Variants in ERI1 observed in about 807,000 individuals in gnomAD.
ERI1 encodes 3'-5' exoribonuclease 1.
Under a neutral mutation model 39.7 loss-of-function variants are expected in ERI1, and 39 were observed. The ratio of observed to expected loss-of-function variants is 0.98; its 90% CI spans 0.76 to 1.28. ERI1 has a LOEUF of 1.28. Ranked by LOEUF, ERI1 falls within the 50% of genes most tolerant of loss-of-function variation. The pLI is 0.00. For missense variants in ERI1, 581 were observed against 416.9 expected (o/e 1.39, Z -3.43); for synonymous variants, 204 against 149.6 (o/e 1.36, Z -2.65).
intron 3 of ERI1, among the ~76,000 whole-genome samples, chr8:9,015,170 A>G (rs1817097745): frequency 6.6e-6 from 1 of 152,130 alleles, no homozygotes; most frequent in Non-Finnish European, 1.5e-5. Flanking sequence ...ACTGTTGCTC[A>G]TTTACAATTC....
chr8:9,045,270 C>T (rs565733480), intron 3 of ERI1, among the ~76,000 whole-genome samples: 2 of 148,922 alleles, frequency 1.3e-5, no homozygotes, highest in South Asian at 4.3e-4. Context: ...AGTAATATTA[C>T]GTTCAGCCCT....
chr8:9,055,911 G>A (rs1240606451), intron 3 of ERI1, among the ~76,000 whole-genome samples: 1 of 152,148 alleles, frequency 6.6e-6, no homozygotes, highest in South Asian at 2.1e-4. Context: ...CCTTGGGGAA[G>A]AGGAATACTA....
At chr8:9,023,693 C>G (rs977365916) in intron 6 of ERI1, among the ~76,000 whole-genome samples, 3 of 123,846 alleles carry the variant, frequency 2.4e-5, no homozygotes, top group Non-Finnish European at 5.4e-5. Flanking sequence ...TTATCTAAGA[C>G]CTAAATAAAA....
intron 3 of ERI1, among the ~76,000 whole-genome samples, chr8:9,097,063 C>T (rs912002169): frequency 6.6e-6 from 1 of 152,098 alleles, no homozygotes; most frequent in South Asian, 2.1e-4. Context: ...CTTTACTCTT[C>T]TAGCTCTCCC....
rs1816687230 is a variant in ERI1 at position 9,011,686 on chromosome 8, A to T, written c.432A>T (p.Pro144=). The change falls in exon 3 of 7, where the codon CCA becomes CCT. Residue 144 remains proline (P), a synonymous_variant. Coordinates refer to ENST00000250263, the MANE Select transcript of ERI1 (RefSeq NM_153332.4). ...AAGCCACTTGTGAAGAAGGAAACCC[A>T]CCTGAGTTTGTACATGAAATAATTG... The part of the protein sequence containing the change: ...DFEATCEEGN[P]PEFVHEIIEF... The T allele has an allele frequency of 6.2e-7, 1 of 1,613,496 alleles. No individual in the cohort carries two copies. Among genetic ancestry groups the T allele is most frequent in the Non-Finnish European group, 8.5e-7 (1 of 1,179,674 alleles).
intron 3 of ERI1, among the ~76,000 whole-genome samples, chr8:9,057,711 G>A (rs1397559764): frequency 6.6e-6 from 1 of 152,046 alleles, no homozygotes; most frequent in Non-Finnish European, 1.5e-5. Context: ...ATTAAAAGAT[G>A]TTCATTGCTT....
chr8:9,057,280 G>A (rs1358416687), intron 3 of ERI1, among the ~76,000 whole-genome samples: 1 of 152,154 alleles, frequency 6.6e-6, no homozygotes, highest in Non-Finnish European at 1.5e-5. Flanking sequence ...AAAGTTCTGG[G>A]ATGACTGACG....
At chr8:9,010,300 C>T (rs1816525679) in intron 2 of ERI1, among the ~76,000 whole-genome samples, 1 of 152,140 alleles carries the variant, frequency 6.6e-6, no homozygotes, top group Admixed American at 6.5e-5. Flanking sequence ...ACACCTCCCA[C>T]CCCACAACAA....
At chr8:9,097,482 A>G (rs1386529555) in intron 3 of ERI1, among the ~76,000 whole-genome samples, 2 of 152,150 alleles carry the variant, frequency 1.3e-5, no homozygotes, top group African/African-American at 4.8e-5. Flanking sequence ...CAGCCTGGCC[A>G]ACATGGTAAA....
At chr8:9,047,270 G>T (rs889568531) in intron 3 of ERI1, among the ~76,000 whole-genome samples, 1 of 152,170 alleles carries the variant, frequency 6.6e-6, no homozygotes, top group Non-Finnish European at 1.5e-5. Flanking sequence ...GTGCCTTTCG[G>T]GTGAGTTGGT....
At chr8:9,062,583 G>A (rs774152716) in intron 3 of ERI1, 1 of 79,066 alleles carries the variant, frequency 1.3e-5, no homozygotes, top group Non-Finnish European at 3.3e-5. Context: ...GTAATGTGGA[G>A]TGGGTAGCCT....
intron 4 of ERI1, among the ~76,000 whole-genome samples, chr8:9,016,768 C>T (rs539480689): frequency 6.6e-6 from 1 of 152,316 alleles, no homozygotes; most frequent in South Asian, 2.1e-4. Context: ...TCACTGCAGC[C>T]TCTGCCTCCT....
rs1018965634 is a variant in ERI1 at position 9,087,426 on chromosome 8, T to G, written n.300-28922T>G. The stretch of plus-strand genomic sequence containing the variant: ...CATATGTGGCTATTTTTTTTTTTTT[T>G]TTTTTTTTTGATTTTTAGTAGAGAC... On this transcript the variant is annotated intron_variant and non_coding_transcript_variant, in intron 3 of 3. Coordinates refer to the ERI1 transcript ENST00000518663. 3.9e-4 allele frequency among the ~76,000 whole-genome samples: 20 copies of G among 51,158 alleles called. No individual in the cohort carries two copies. In the East Asian group the frequency reaches 0.011, roughly 27 times the overall value. 33.6% of individuals were successfully genotyped at this position (51,158 alleles called of 152,430 possible).
intron 3 of ERI1, among the ~76,000 whole-genome samples, chr8:9,044,117 A>G (rs1027509757): frequency 2.6e-5 from 4 of 152,202 alleles, no homozygotes; most frequent in Non-Finnish European, 5.9e-5. Context: ...GTCGGAGTTA[A>G]ATAGGATATC....
intron 2 of ERI1, among the ~76,000 whole-genome samples, chr8:9,010,852 A>C (rs914960405): frequency 2.0e-5 from 3 of 152,174 alleles, no homozygotes; most frequent in African/African-American, 7.2e-5. Flanking sequence ...TTTTAAAGCT[A>C]CCTATAATAT....
intron 3 of ERI1, among the ~76,000 whole-genome samples, chr8:9,012,161 C>G (rs1020932772): frequency 1.3e-5 from 2 of 152,126 alleles, no homozygotes; most frequent in Non-Finnish European, 2.9e-5. Flanking sequence ...TGCGGTCAGG[C>G]TTGATAACCA....
In ERI1 at chr8:9,066,263, C is replaced by T. The variant is rs1798875828; in HGVS notation, n.299+45799C>T. ...TCCCACTAGCAGGGGCATCTCTTCCCCTTTCTCCACCTGCACAACTTGTTT... is the reference window on the plus strand; with the variant it reads ...TCCCACTAGCAGGGGCATCTCTTCCTCTTTCTCCACCTGCACAACTTGTTT... On this transcript the variant is annotated intron_variant and non_coding_transcript_variant, in intron 3 of 3. Transcript: ENST00000518663. Among the ~76,000 whole-genome samples, 4 of 152,202 alleles carry T rather than the reference C, an allele frequency of 2.6e-5. No homozygotes were observed. In the South Asian group the frequency reaches 8.3e-4, roughly 32 times the overall value.
At chr8:9,059,217 T>C (rs567276932) in intron 3 of ERI1, among the ~76,000 whole-genome samples, 1 of 152,232 alleles carries the variant, frequency 6.6e-6, no homozygotes, top group South Asian at 2.1e-4. Flanking sequence ...TGTTTTGTGG[T>C]GGAATGTCAT....
intron 3 of ERI1, among the ~76,000 whole-genome samples, chr8:9,046,180 C>T (rs1263352537): frequency 6.6e-6 from 1 of 152,218 alleles, no homozygotes; most frequent in South Asian, 2.1e-4. Context: ...ATTGGTCTTG[C>T]TGATGGAATG....
Sources: gnomAD v4.1 joint callset for allele counts (sites outside exome capture counted in the v4.1 genomes callset) on GRCh38, gnomAD v4.1.1 for gene constraint, MANE v1.5 for transcripts, NCBI Gene and HGNC (gene_info 2026-07-23, HGNC 2026-07-21) for gene names.